ATP6V1A: variants seen among roughly 807,000 people sequenced by gnomAD.
ATP6V1A encodes the protein V-type proton ATPase catalytic subunit A.
Under a neutral mutation model 70.1 loss-of-function variants are expected in ATP6V1A, and 18 were observed. That is an observed-to-expected ratio of 0.26 (90% CI 0.18 to 0.38). The LOEUF (loss-of-function observed/expected upper bound fraction) is 0.38, where lower values mean the gene tolerates loss of function less well. Ranked by LOEUF, ATP6V1A falls within the 10% of genes least tolerant of loss-of-function variation. The probability of loss-of-function intolerance (pLI) is 1.00; values close to 1 mark genes in which losing one functional copy is unlikely to be tolerated. For synonymous variants in ATP6V1A, 232 were observed against 253.8 expected, an observed-to-expected ratio of 0.91 and a Z score of 0.82; for missense variants, 424 against 772.4, an observed-to-expected ratio of 0.55 and a Z score of 5.35.
chr3:113,781,731 A>C (rs1424228441), intron 3 of ATP6V1A, among the ~76,000 whole-genome samples: 1 of 152,220 alleles, frequency 6.6e-6, no homozygotes, highest in African/African-American at 2.4e-5. Context: ...CTGCTTCAGT[A>C]ATTCATGAAC....
At chr3:113,764,795 G>A (rs114193221) in intron 1 of ATP6V1A, among the ~76,000 whole-genome samples, 331 of 151,896 alleles carry the variant, frequency 2.2e-3, no homozygotes, top group African/African-American at 7.5e-3. Context: ...AATAAGGCCC[G>A]GCACAGTGGC....
intron 1 of ATP6V1A, among the ~76,000 whole-genome samples, chr3:113,753,854 C>T (rs1379509688): frequency 6.6e-6 from 1 of 151,926 alleles, no homozygotes; most frequent in East Asian, 1.9e-4. Context: ...CACCACCACA[C>T]CTGGCTAATT....
chr3:113,749,262 ATC>A (rs1491502393), intron 1 of ATP6V1A, among the ~76,000 whole-genome samples: 1 of 105,310 alleles, frequency 9.5e-6, no homozygotes, highest in East Asian at 2.9e-4. Context: ...TTATACACAG[ATC>A]ACACACACAC....
Position 113,778,861 on chromosome 3 carries a change from A to C in ATP6V1A, c.82+26A>C, listed in dbSNP as rs760703799. 6.4e-6 allele frequency: 9 copies of C among 1,403,012 alleles called. No individual in the cohort carries two copies. In the Admixed American group the frequency reaches 1.9e-4, roughly 29 times the overall value. 86.9% of individuals were successfully genotyped at this position (1,403,012 alleles called of 1,614,324 possible). A position where few individuals can be genotyped will look rare whatever the true frequency, so the allele number is the denominator to read the frequency against. ...GTAAGTAATACATCATAATCTCAAA[A>C]TAAGGATATCTAACTTTGATTAATG... On this transcript the variant is annotated intron_variant, in intron 2 of 14. Coordinates refer to ENST00000273398, the MANE Select transcript of ATP6V1A (RefSeq NM_001690.4).
chr3:113,789,791 C>G lies in ATP6V1A; in HGVS notation c.939C>G (p.Ala313=). The change falls in exon 8 of 15, where the codon GCC becomes GCG. Residue 313 remains alanine, a synonymous_variant. Transcript: ENST00000273398. ...ESIMKRTALV[A]NTSNMPVAAR... ...TTATGAAGAGGACAGCTTTGGTAGC[C>G]AATACCTCCAATATGCCTGTTGCTG... is the stretch of plus-strand genomic sequence containing the variant. 6.2e-7 allele frequency: 1 copy of G among 1,612,876 alleles called. No homozygotes were observed. Among genetic ancestry groups the G allele is most frequent in the South Asian group, 1.1e-5 (1 of 91,040 alleles).
intron 11 of ATP6V1A, 148 bp downstream of exon 11, chr3:113,796,087 T>C: frequency 1.6e-6 from 1 of 627,776 alleles, no homozygotes; most frequent in Non-Finnish European, 2.6e-6. Flanking sequence ...TTAGAAACAC[T>C]CTTAACACAG....
intron 12 of ATP6V1A, chr3:113,803,361 CTGT>C (rs1709237168): frequency 4.0e-6 from 2 of 501,564 alleles, no homozygotes; most frequent in Non-Finnish European, 7.2e-6. Flanking sequence ...ATACCTAACA[CTGT>C]TACACTGTAT....
chr3:113,761,291 CTG>C (rs1050659625), intron 1 of ATP6V1A, among the ~76,000 whole-genome samples: 4 of 151,784 alleles, frequency 2.6e-5, no homozygotes, highest in African/African-American at 9.7e-5. Flanking sequence ...ACTGTTGATG[CTG>C]TCTCTTTTTT....
chr3:113,783,278 G>T (rs1708999721), intron 3 of ATP6V1A, among the ~76,000 whole-genome samples: 1 of 152,164 alleles, frequency 6.6e-6, no homozygotes, highest in South Asian at 2.1e-4. Flanking sequence ...ATTCACAGAA[G>T]TTGGATTCCT....
chr3:113,763,893 A>C (rs1454769666), intron 1 of ATP6V1A, among the ~76,000 whole-genome samples: 8 of 152,196 alleles, frequency 5.3e-5, no homozygotes, highest in African/African-American at 1.9e-4. Context: ...AGACATCAGC[A>C]TGAATTCTTA....
At chr3:113,784,856 C>G (rs772900430) in intron 5 of ATP6V1A, 23 bp downstream of exon 5, 2 of 1,610,682 alleles carry the variant, frequency 1.2e-6, no homozygotes, top group Non-Finnish European at 1.7e-6. Flanking sequence ...TGAACTTTAT[C>G]CTGCAGAGTG....
At chr3:113,773,590 G>T (rs1362505271) in intron 1 of ATP6V1A, among the ~76,000 whole-genome samples, 2 of 152,142 alleles carry the variant, frequency 1.3e-5, no homozygotes, top group Non-Finnish European at 2.9e-5. Context: ...GGCATGCACT[G>T]TTTAAGTCTT....
Position 113,780,779 on chromosome 3 carries a change from A to C in ATP6V1A, c.83-271A>C, listed in dbSNP as rs1394278844. 6.1e-6 allele frequency: 8 copies of C among 1,314,436 alleles called. No homozygotes were observed. The South Asian group carries it at 9.9e-5, about 16-fold the overall frequency. The allele number at this position is 1,314,436 out of a possible 1,614,324, so 81.4% of individuals were successfully genotyped here. A position where few individuals can be genotyped will look rare whatever the true frequency, so the allele number is the denominator to read the frequency against. ...AACTCTCAGAACATACCTGAATCCTACCAGGTAAGTTTGCCATGCAGAACT... is the reference window on the plus strand; with the variant it reads ...AACTCTCAGAACATACCTGAATCCTCCCAGGTAAGTTTGCCATGCAGAACT... On this transcript the variant is annotated intron_variant, in intron 2 of 14. Transcript: ENST00000273398.
chr3:113,757,223 C>T lies in ATP6V1A; in HGVS notation c.-14+10110C>T, dbSNP rs151273271. ...AGTACCTGCTTATTGTACAGTGGGG[C>T]GTGTGTGTGTGTTTTAAATATCACC... On this transcript the variant is annotated intron_variant, in intron 1 of 14. Transcript: ENST00000273398. Among the ~76,000 whole-genome samples the T allele has an allele frequency of 4.7e-3, 716 of 152,036 alleles. 15 individuals carry two copies. The highest frequency in any genetic ancestry group is 0.034 in the Admixed American group (513 of 15,250).
chr3:113,806,584 A>T (rs1487051029), intron 14 of ATP6V1A, among the ~76,000 whole-genome samples: 4 of 151,582 alleles, frequency 2.6e-5, no homozygotes, highest in Non-Finnish European at 5.9e-5. Context: ...TCAGCCTCCC[A>T]AGTAGCTGGG....
chr3:113,771,429 C>A (rs899859310), intron 1 of ATP6V1A, among the ~76,000 whole-genome samples: 1 of 112,582 alleles, frequency 8.9e-6, no homozygotes, highest in Admixed American at 9.9e-5. Context: ...ATATTTTTCT[C>A]TTTTTTTTTT....
intron 3 of ATP6V1A, among the ~76,000 whole-genome samples, chr3:113,783,020 C>A (rs1410170579): frequency 2.0e-5 from 3 of 151,982 alleles, no homozygotes; most frequent in African/African-American, 7.3e-5. Context: ...ACTGGGAGTC[C>A]ACTGTAAAAT....
chr3:113,750,527 A>G (rs1366954141), intron 1 of ATP6V1A, among the ~76,000 whole-genome samples: 2 of 152,150 alleles, frequency 1.3e-5, no homozygotes, highest in Admixed American at 1.3e-4. Context: ...GGTGTGTAAA[A>G]TGGTAAAGCA....
intron 1 of ATP6V1A, among the ~76,000 whole-genome samples, chr3:113,766,272 A>ATC (rs72022407): frequency 6.6e-6 from 1 of 151,048 alleles, no homozygotes; most frequent in Non-Finnish European, 1.5e-5. Flanking sequence ...AGCAGAGATC[A>ATC]TCTCTCTCTC....
Sources: gnomAD v4.1 joint callset for allele counts (sites outside exome capture counted in the v4.1 genomes callset) on GRCh38, gnomAD v4.1.1 for gene constraint, MANE v1.5 for transcripts, NCBI Gene and HGNC (gene_info 2026-07-23, HGNC 2026-07-21) for gene names.